CASK: variants seen among roughly 807,000 people sequenced by gnomAD.
CASK encodes peripheral plasma membrane protein CASK.
CASK carries 4 observed loss-of-function variants against 82.9 expected under a neutral mutation model. The observed-to-expected ratio is 0.05, with a 90% CI of 0.02 to 0.11. The LOEUF (loss-of-function observed/expected upper bound fraction) is 0.11, where lower values mean the gene tolerates loss of function less well. Ranked by LOEUF, CASK falls within the 10% of genes least tolerant of loss-of-function variation. The pLI, the probability that CASK is intolerant of heterozygous loss-of-function variation, is 1.00. For synonymous variants in CASK, 259 were observed against 253.5 expected (o/e 1.02, Z -0.20); for missense variants, 358 against 720.9 (o/e 0.50, Z 5.76).
intron 25 of CASK, among the ~76,000 whole-genome samples, chrX:41,525,868 T>C (rs1185451737): frequency 8.9e-6 from 1 of 111,806 alleles, no homozygotes; most frequent in Non-Finnish European, 1.9e-5. Context: ...TTCTGAATTT[T>C]AGTCACACAG....
chrX:41,818,230 C>T (rs900776625), intron 2 of CASK, among the ~76,000 whole-genome samples: 9 of 104,568 alleles, frequency 8.6e-5, no homozygotes, highest in Non-Finnish European at 1.4e-4. Flanking sequence ...AAAATTCATA[C>T]GAAAAGGACC....
At chrX:41,788,392 T>C (rs1037090314) in intron 2 of CASK, among the ~76,000 whole-genome samples, 6 of 111,591 alleles carry the variant, frequency 5.4e-5, no homozygotes, top group Non-Finnish European at 1.1e-4. Context: ...CCAGTGCTAA[T>C]AGCACTGGGG....
intron 3 of CASK, among the ~76,000 whole-genome samples, chrX:41,774,677 C>G (rs1434766778): frequency 9.1e-6 from 1 of 110,360 alleles, no homozygotes; most frequent in Admixed American, 9.7e-5. Flanking sequence ...GTACTGGTAC[C>G]AAAACAGAGA....
intron 21 of CASK, among the ~76,000 whole-genome samples, chrX:41,547,469 A>G (rs887521037): frequency 9.0e-6 from 1 of 111,155 alleles, no homozygotes; most frequent in African/African-American, 3.3e-5. Context: ...CAAATAGGTA[A>G]TAAAACCTAG....
chrX:41,747,524 C>T (rs979717191), intron 3 of CASK, among the ~76,000 whole-genome samples: 4 of 111,367 alleles, frequency 3.6e-5, no homozygotes, highest in Admixed American at 2.9e-4. Flanking sequence ...CTGCGAGCTC[C>T]GCCTCCTGGG....
intron 16 of CASK, among the ~76,000 whole-genome samples, chrX:41,569,192 C>T (rs935173512): frequency 2.7e-5 from 3 of 111,695 alleles, no homozygotes; most frequent in African/African-American, 6.5e-5. Flanking sequence ...AATGAGAGAA[C>T]ACTTCTTAAA....
intron 1 of CASK, among the ~76,000 whole-genome samples, chrX:41,864,208 T>A (rs929087749): frequency 2.7e-5 from 3 of 111,805 alleles, no homozygotes; most frequent in Non-Finnish European, 5.6e-5. Flanking sequence ...GATATCTCAG[T>A]CACCAATACG....
At chrX:41,597,510 T>C (rs1165153099) in intron 12 of CASK, among the ~76,000 whole-genome samples, 1 of 112,646 alleles carries the variant, frequency 8.9e-6, no homozygotes, top group Admixed American at 9.4e-5. Context: ...GGAATTACAC[T>C]GTGTAGCAAT....
chrX:41,737,866 A>G (rs1287105273), intron 5 of CASK, among the ~76,000 whole-genome samples: 1 of 112,999 alleles, frequency 8.8e-6, no homozygotes, highest in African/African-American at 3.2e-5. Context: ...TTTACTCTCT[A>G]CATATGAACT....
intron 2 of CASK, among the ~76,000 whole-genome samples, chrX:41,797,275 T>C (rs2069878091): frequency 9.1e-6 from 1 of 109,592 alleles, no homozygotes; most frequent in South Asian, 4.0e-4. Context: ...CCCTGACAAA[T>C]GTTGTTCCCT....
chrX:41,584,616 C>T (rs1238331465), intron 14 of CASK: 2 of 111,392 alleles, frequency 1.8e-5, no homozygotes, highest in African/African-American at 6.5e-5. Context: ...GTTCCCACTC[C>T]TATGAGGACC....
At chrX:41,638,670 T>TA (rs755450167) in intron 8 of CASK, among the ~76,000 whole-genome samples, 1 of 108,475 alleles carries the variant, frequency 9.2e-6, no homozygotes, top group Non-Finnish European at 1.9e-5. Flanking sequence ...ATGGAGGGAG[T>TA]ATGTTTGGAA....
chrX:41,606,332 C>A (rs1305471862), intron 12 of CASK, among the ~76,000 whole-genome samples: 1 of 112,269 alleles, frequency 8.9e-6, no homozygotes, highest in Non-Finnish European at 1.9e-5. Flanking sequence ...GTGGCACGAT[C>A]TCGGCTCACT....
chrX:41,805,336 G>A (rs998059584), intron 2 of CASK, among the ~76,000 whole-genome samples: 2 of 111,828 alleles, frequency 1.8e-5, no homozygotes, highest in Non-Finnish European at 1.9e-5. Context: ...AGCCTTCACT[G>A]TAGGAAATGC....
intron 5 of CASK, among the ~76,000 whole-genome samples, chrX:41,673,417 G>A (rs1463653044): frequency 8.9e-6 from 1 of 111,898 alleles, no homozygotes; most frequent in Non-Finnish European, 1.9e-5. Context: ...ACTGTGCCTG[G>A]CCTAAAGAGT....
intron 25 of CASK, among the ~76,000 whole-genome samples, chrX:41,527,943 G>C (rs1602213763): frequency 1.8e-5 from 2 of 112,286 alleles, no homozygotes; most frequent in South Asian, 3.7e-4. Flanking sequence ...CTGAATTACA[G>C]ATTTTTCTGA....
At chrX:41,723,240 G>T (rs2068198682) in intron 5 of CASK, among the ~76,000 whole-genome samples, 1 of 111,872 alleles carries the variant, frequency 8.9e-6, no homozygotes, top group African/African-American at 3.3e-5. Flanking sequence ...AAATGCTCAG[G>T]TTTGATGAAA....
At chrX:41,588,234 C>T (rs936891557) in intron 13 of CASK, 2 of 111,621 alleles carry the variant, frequency 1.8e-5, no homozygotes, top group Non-Finnish European at 3.8e-5. Flanking sequence ...TTTTATGCTC[C>T]GAGTTTCTCT....
At chrX:41,757,524 G>A (rs2068920857) in intron 3 of CASK, among the ~76,000 whole-genome samples, 1 of 112,187 alleles carries the variant, frequency 8.9e-6, no homozygotes. Context: ...TTGTGTGTAC[G>A]TATGTATTTA....
Sources: allele counts gnomAD v4.1 joint callset (sites outside exome capture counted in the v4.1 genomes callset), GRCh38; gene constraint gnomAD v4.1.1; transcripts MANE v1.5; gene names NCBI Gene and HGNC (gene_info 2026-07-23, HGNC 2026-07-21).